CSMD1: variants seen among roughly 807,000 people sequenced by gnomAD.
CSMD1 encodes CUB and sushi domain-containing protein 1.
CSMD1 carries 213 observed loss-of-function variants against 417.5 expected under a neutral mutation model. The observed-to-expected ratio is 0.51, with a 90% CI of 0.46 to 0.57. CSMD1 has a LOEUF of 0.57. Ranked by LOEUF, CSMD1 falls within the 20% of genes least tolerant of loss-of-function variation. CSMD1 has a pLI of 0.00. For synonymous variants in CSMD1, 2,862 were observed against 1,736.8 expected (o/e 1.65, Z -16.11); for missense variants, 6,923 against 4,529.7 (o/e 1.53, Z -15.17).
At chr8:3,457,133 C>T (rs188355157) in intron 12 of CSMD1, among the ~76,000 whole-genome samples, 2 of 151,580 alleles carry the variant, frequency 1.3e-5, no homozygotes, top group East Asian at 2.0e-4. Flanking sequence ...CCTCTCCTCC[C>T]GTACTCGTCA....
Position 3,343,465 on chromosome 8 carries a change from C to G in CSMD1, c.3475-15G>C, listed in dbSNP as rs532540268. The G allele has an allele frequency of 1.9e-6, 3 of 1,608,756 alleles. No individual in the cohort carries two copies. Among genetic ancestry groups the G allele is most frequent in the East Asian group, 2.2e-5 (1 of 44,740 alleles). ...CCATCATATACCTGATGAAAATTCA[C>G]AGCATGAGTCCCTCTATGCCTTCAC... is the stretch of plus-strand genomic sequence containing the variant. On this transcript the variant is annotated splice_polypyrimidine_tract_variant and intron_variant, in intron 22 of 69. Transcript: ENST00000635120.
At chr8:3,996,839 T>C (rs1815259431) in intron 5 of CSMD1, among the ~76,000 whole-genome samples, 1 of 152,230 alleles carries the variant, frequency 6.6e-6, no homozygotes, top group South Asian at 2.1e-4. Flanking sequence ...GCATTGAGCC[T>C]TGTGATTTGG....
intron 1 of CSMD1, among the ~76,000 whole-genome samples, chr8:4,954,151 G>A (rs532534199): frequency 7.2e-5 from 11 of 152,098 alleles, no homozygotes; most frequent in African/African-American, 2.4e-4. Flanking sequence ...GTTCAAATAA[G>A]AACCAACTAT....
intron 3 of CSMD1, among the ~76,000 whole-genome samples, chr8:4,081,293 A>C (rs1342084394): frequency 6.6e-6 from 1 of 152,186 alleles, no homozygotes; most frequent in Non-Finnish European, 1.5e-5. Context: ...GTCTCCTAGC[A>C]GGTAAGCTCT....
chr8:4,723,097 C>T (rs1377208236), intron 1 of CSMD1, among the ~76,000 whole-genome samples: 1 of 152,112 alleles, frequency 6.6e-6, no homozygotes, highest in Admixed American at 6.6e-5. Context: ...TGTCTGGATA[C>T]TTATATATCT....
At chr8:4,107,190 C>A (rs753999965) in intron 3 of CSMD1, among the ~76,000 whole-genome samples, 36 of 152,190 alleles carry the variant, frequency 2.4e-4, no homozygotes, top group Non-Finnish European at 2.4e-4. Context: ...AACAAAAAGG[C>A]TGAAAAACAC....
intron 2 of CSMD1, among the ~76,000 whole-genome samples, chr8:4,467,129 AAAAAAAAAAAAG>A (rs1190221359): frequency 1.5e-4 from 22 of 150,638 alleles, no homozygotes; most frequent in African/African-American, 4.9e-4. Flanking sequence ...GAGTAAAAAA[AAAAAAAAAAAAG>A]AAAAAAAAAG....
chr8:3,950,989 G>A (rs1443557603), intron 5 of CSMD1, among the ~76,000 whole-genome samples: 2 of 152,132 alleles, frequency 1.3e-5, no homozygotes, highest in Non-Finnish European at 2.9e-5. Flanking sequence ...TACAGTAAAA[G>A]CATAATTCAA....
At chr8:4,116,468 G>A (rs1435758905) in intron 3 of CSMD1, among the ~76,000 whole-genome samples, 1 of 133,878 alleles carries the variant, frequency 7.5e-6, no homozygotes, top group Non-Finnish European at 1.6e-5. Flanking sequence ...TGGAACAAAC[G>A]CGCCATGAAT....
At chr8:4,279,365 C>T (rs1289098608) in intron 3 of CSMD1, among the ~76,000 whole-genome samples, 3 of 152,180 alleles carry the variant, frequency 2.0e-5, no homozygotes, top group Non-Finnish European at 2.9e-5. Flanking sequence ...ACGGACATCT[C>T]AACAGAATGT....
chr8:4,376,827 G>C (rs940252972), intron 3 of CSMD1, among the ~76,000 whole-genome samples: 1 of 152,182 alleles, frequency 6.6e-6, no homozygotes, highest in Non-Finnish European at 1.5e-5. Context: ...CCTCACCCCT[G>C]TGATTTTGTC....
At chr8:3,094,608 C>G (rs1396000958) in intron 47 of CSMD1, among the ~76,000 whole-genome samples, 3 of 152,084 alleles carry the variant, frequency 2.0e-5, no homozygotes, top group Admixed American at 1.3e-4. Context: ...CCAGTGTACA[C>G]TGTAATTTTA....
intron 3 of CSMD1, among the ~76,000 whole-genome samples, chr8:4,064,626 G>A (rs1483290967): frequency 6.6e-6 from 1 of 152,134 alleles, no homozygotes; most frequent in Non-Finnish European, 1.5e-5. Context: ...CAACACCTGT[G>A]CCTTCACATA....
At chr8:3,498,482 A>T (rs35426786) in intron 10 of CSMD1, among the ~76,000 whole-genome samples, 1 of 152,178 alleles carries the variant, frequency 6.6e-6, no homozygotes, top group Non-Finnish European at 1.5e-5. Context: ...TTTGGAGAGC[A>T]TCTTTGGCAT....
At chr8:3,344,752 A>G (rs1445396613) in intron 22 of CSMD1, among the ~76,000 whole-genome samples, 1 of 152,222 alleles carries the variant, frequency 6.6e-6, no homozygotes, top group Non-Finnish European at 1.5e-5. Context: ...TTCAATCAAT[A>G]TATAAACCCA....
intron 3 of CSMD1, among the ~76,000 whole-genome samples, chr8:4,394,599 C>T (rs561702180): frequency 1.3e-5 from 2 of 152,068 alleles, no homozygotes; most frequent in Non-Finnish European, 2.9e-5. Flanking sequence ...CCAGTAGCTG[C>T]AGGAAGGTGA....
intron 3 of CSMD1, among the ~76,000 whole-genome samples, chr8:4,315,763 C>T (rs10086372): frequency 1 from 151,900 of 152,318 alleles, 75,745 homozygotes; most frequent in Middle Eastern, 1. Context: ...ACTAGCTGGT[C>T]ATTTCATTTC....
chr8:4,902,151 T>G (rs1167138058), intron 1 of CSMD1, among the ~76,000 whole-genome samples: 1 of 152,168 alleles, frequency 6.6e-6, no homozygotes, highest in Non-Finnish European at 1.5e-5. Flanking sequence ...GAAAAATGCC[T>G]GTCAACCCAG....
In CSMD1 at chr8:3,451,123, G is replaced by C. The variant is rs113475802; in HGVS notation, c.1561+17589C>G. ...CTGCATAAATGTCTTCTTTTGAGAAGTGTCTGTTCATATCCTTCGCCCACT... is the reference window on the plus strand; with the variant it reads ...CTGCATAAATGTCTTCTTTTGAGAACTGTCTGTTCATATCCTTCGCCCACT... On this transcript the variant is annotated intron_variant, in intron 12 of 69. Coordinates refer to ENST00000635120, the MANE Select transcript of CSMD1 (RefSeq NM_033225.6). Among the ~76,000 whole-genome samples, 227 of 152,310 alleles carry C rather than the reference G, an allele frequency of 1.5e-3. 1 individual carries two copies. Among genetic ancestry groups the C allele is most frequent in the African/African-American group, 4.9e-3 (204 of 41,568 alleles).
Sources: gnomAD v4.1 joint callset for allele counts (sites outside exome capture counted in the v4.1 genomes callset) on GRCh38, gnomAD v4.1.1 for gene constraint, MANE v1.5 for transcripts, NCBI Gene and HGNC (gene_info 2026-07-23, HGNC 2026-07-21) for gene names.